Variants in MICU1 observed in about 807,000 individuals in gnomAD.
MICU1 encodes mitochondrial calcium uptake 1, also known as calcium uptake protein 1, mitochondrial.
In MICU1, 45 loss-of-function variants were observed where a neutral mutation model predicts 56.8. The observed-to-expected ratio is 0.79, with a 90% CI of 0.62 to 1.02. MICU1 has a LOEUF of 1.02. Ranked by LOEUF, MICU1 falls within the 50% of genes least tolerant of loss-of-function variation. The pLI is 0.00. For synonymous variants in MICU1, 186 were observed against 195.1 expected (o/e 0.95, Z 0.39); for missense variants, 504 against 587.1 (o/e 0.86, Z 1.46).
chr10:72,500,253 CATACATACATATATATATAT>C (rs1449081941), intron 6 of MICU1, among the ~76,000 whole-genome samples: 16 of 49,952 alleles, frequency 3.2e-4, no homozygotes, highest in African/African-American at 1.9e-3. Context: ...TATATACATA[CATACATACATATATATATAT>C]ATATATATAT....
chr10:72,612,815 G>T (rs1443207248), intron 1 of MICU1, among the ~76,000 whole-genome samples: 1 of 149,406 alleles, frequency 6.7e-6, no homozygotes, highest in Non-Finnish European at 1.5e-5. Context: ...AAAAAAAAAA[G>T]TTGGGATGCA....
intron 8 of MICU1, among the ~76,000 whole-genome samples, chr10:72,456,849 T>TGTG (rs1865474537): frequency 6.7e-5 from 9 of 134,548 alleles, no homozygotes; most frequent in Non-Finnish European, 1.1e-4. Context: ...CGGGCTCATT[T>TGTG]TGTGTGTGTG....
chr10:72,398,870 A>G (rs1262604084), intron 10 of MICU1, among the ~76,000 whole-genome samples: 15 of 152,252 alleles, frequency 9.9e-5, no homozygotes, highest in Non-Finnish European at 1.5e-4. Flanking sequence ...AGGTACAAAA[A>G]GGAGCTGGTA....
chr10:72,500,290 ATATATATATATATTTTTTTTTTTT>A (rs1564904780), intron 6 of MICU1, among the ~76,000 whole-genome samples: 9 of 7,790 alleles, frequency 1.2e-3, no homozygotes, highest in Admixed American at 1.9e-3. Context: ...ATATATATAT[ATATATATATATATTTTTTTTTTTT>A]TTTTTTTTTT....
chr10:72,469,417 A>G (rs930886512), intron 8 of MICU1, among the ~76,000 whole-genome samples: 1 of 152,192 alleles, frequency 6.6e-6, no homozygotes, highest in Admixed American at 6.5e-5. Flanking sequence ...AATCTTTTCT[A>G]TTTTCCTCTT....
chr10:72,390,165 T>C (rs546816057), intron 10 of MICU1, among the ~76,000 whole-genome samples: 2 of 151,706 alleles, frequency 1.3e-5, no homozygotes, highest in South Asian at 4.2e-4. Flanking sequence ...TTTCAAATGG[T>C]AGGAGGGGCA....
In MICU1 at chr10:72,434,303, A is replaced by T. The variant is rs148007140; in HGVS notation, c.934-10932T>A. Among the ~76,000 whole-genome samples, 18 of 152,236 alleles carry T rather than the reference A, an allele frequency of 1.2e-4. No homozygotes were observed. The East Asian group carries it at 3.5e-3, about 29-fold the overall frequency. On this transcript the variant is annotated intron_variant, in intron 8 of 11. Transcript: ENST00000361114. ...TCCATCAACTCGCAGAGCATTTTAAATTACATAAAACTTGTTGGTTATCTT... is the reference window on the plus strand; with the variant it reads ...TCCATCAACTCGCAGAGCATTTTAATTTACATAAAACTTGTTGGTTATCTT...
intron 1 of MICU1, among the ~76,000 whole-genome samples, chr10:72,608,324 G>A (rs1045615423): frequency 1.3e-5 from 2 of 152,144 alleles, no homozygotes; most frequent in African/African-American, 4.8e-5. Context: ...CACCCACCTC[G>A]GCAGCCCGAA....
intron 1 of MICU1, among the ~76,000 whole-genome samples, chr10:72,601,603 A>G (rs1163412863): frequency 6.6e-6 from 1 of 152,020 alleles, no homozygotes; most frequent in Admixed American, 6.5e-5. Context: ...AACAAAAGAC[A>G]GATTAACAAC....
chr10:72,471,236 C>T (rs7070240), intron 8 of MICU1, among the ~76,000 whole-genome samples: 87,444 of 151,990 alleles, frequency 0.58, 26,017 homozygotes, highest in Non-Finnish European at 0.67. Context: ...AGGCACGCGC[C>T]ACCATGCCCA....
intron 5 of MICU1, among the ~76,000 whole-genome samples, chr10:72,512,915 G>A (rs1423902971): frequency 1.3e-5 from 2 of 152,058 alleles, no homozygotes; most frequent in Non-Finnish European, 2.9e-5. Flanking sequence ...ATGTTGCCCA[G>A]GTTGGTCTTG....
chr10:72,439,880 T>C (rs1444777444), intron 8 of MICU1, among the ~76,000 whole-genome samples: 1 of 152,162 alleles, frequency 6.6e-6, no homozygotes, highest in Non-Finnish European at 1.5e-5. Flanking sequence ...TGCAAACCAC[T>C]GCTCAATGAA....
rs145346902 is a variant in MICU1, at chr10:72,436,049, C to T, written c.934-12678G>A. Among the ~76,000 whole-genome samples the T allele has an allele frequency of 6.9e-3, 1,057 of 152,322 alleles. 35 individuals carry two copies. Among genetic ancestry groups the T allele is most frequent in the East Asian group, 0.025 (132 of 5,186 alleles). On this transcript the variant is annotated intron_variant, in intron 8 of 11. Coordinates refer to ENST00000361114, the MANE Select transcript of MICU1 (RefSeq NM_001195518.2). ...GAAGAGAGCAGTGGTTCTCCCAGCA[C>T]GGCGTTTGAGCTCTGAAAATGGACA...
intron 8 of MICU1, among the ~76,000 whole-genome samples, chr10:72,425,537 T>C (rs1003179907): frequency 1.4e-4 from 21 of 152,370 alleles, no homozygotes; most frequent in Non-Finnish European, 2.6e-4. Flanking sequence ...CAGACTTGTC[T>C]TTTGGTAATG....
intron 4 of MICU1, among the ~76,000 whole-genome samples, chr10:72,541,660 A>G (rs1173646197): frequency 1.3e-5 from 2 of 152,112 alleles, no homozygotes; most frequent in Non-Finnish European, 2.9e-5. Flanking sequence ...CTAGCTTCTC[A>G]GTCCTTAGGG....
rs1181807644 is a variant in MICU1 at position 72,368,184 on chromosome 10, G to A, written c.*11C>T. 1.9e-6 allele frequency: 3 copies of A among 1,607,178 alleles called. No homozygotes were observed. In the African/African-American group the frequency reaches 4.0e-5, roughly 21 times the overall value. On this transcript the variant is annotated 3_prime_UTR_variant, in exon 12 of 12. Transcript: ENST00000361114. Reference sequence around the variant, plus strand: ...ACTGGGGGTGGAGGGGTCCCCTCTTGCAGTGTGGGGTTACTGTTTGGGTAA... The same window carrying A: ...ACTGGGGGTGGAGGGGTCCCCTCTTACAGTGTGGGGTTACTGTTTGGGTAA...
At chr10:72,493,075 C>A (rs117273499) in intron 6 of MICU1, among the ~76,000 whole-genome samples, 1 of 152,172 alleles carries the variant, frequency 6.6e-6, no homozygotes, top group Non-Finnish European at 1.5e-5. Flanking sequence ...CAAAATTGTG[C>A]CATTGCACTC....
intron 8 of MICU1, among the ~76,000 whole-genome samples, chr10:72,463,567 G>A (rs1164251224): frequency 1.3e-5 from 2 of 152,106 alleles, no homozygotes; most frequent in South Asian, 2.1e-4. Flanking sequence ...ATTTACAAAG[G>A]AGCTTTACAT....
intron 8 of MICU1, among the ~76,000 whole-genome samples, chr10:72,439,886 A>G (rs1290025637): frequency 3.3e-5 from 5 of 152,238 alleles, no homozygotes; most frequent in East Asian, 1.9e-4. Context: ...CCACTGCTCA[A>G]TGAAATAAAG....
Sources: gnomAD v4.1 joint callset for allele counts (sites outside exome capture counted in the v4.1 genomes callset) on GRCh38, gnomAD v4.1.1 for gene constraint, MANE v1.5 for transcripts, NCBI Gene and HGNC (gene_info 2026-07-23, HGNC 2026-07-21) for gene names.